Variants in SEMA3A observed in about 807,000 individuals in gnomAD.
The protein encoded by SEMA3A is semaphorin 3A.
A neutral mutation model predicts 97.9 loss-of-function variants in SEMA3A; 29 were observed. The observed-to-expected ratio is 0.30, with a 90% confidence interval of 0.22 to 0.40. The LOEUF is 0.40. Among genes scored for constraint, SEMA3A ranks in the 10% least tolerant of loss-of-function variants. The probability of loss-of-function intolerance (pLI) is 1.00; values close to 1 mark genes in which losing one functional copy is unlikely to be tolerated. For missense variants in SEMA3A, 763 were observed against 951.3 expected (o/e 0.80, Z 2.60); for synonymous variants, 321 against 323.7 (o/e 0.99, Z 0.09).
chr7:83,990,121 G>C (rs1429264624), intron 12 of SEMA3A, among the ~76,000 whole-genome samples: 2 of 151,770 alleles, frequency 1.3e-5, no homozygotes, highest in Non-Finnish European at 2.9e-5. Flanking sequence ...ATCTTCTTTT[G>C]AGAAGTGTCT....
intron 1 of SEMA3A, among the ~76,000 whole-genome samples, chr7:84,193,172 A>G (rs1387395711): frequency 6.6e-6 from 1 of 151,976 alleles, no homozygotes; most frequent in African/African-American, 2.4e-5. Context: ...TTCTAATTCA[A>G]TGCATTTCAT....
At chr7:83,980,639 TAC>T (rs68037473) in intron 14 of SEMA3A, among the ~76,000 whole-genome samples, 10,269 of 87,534 alleles carry the variant, frequency 0.12, 914 homozygotes, top group Non-Finnish European at 0.17. Context: ...TATATATATA[TAC>T]ACACACACAC....
chr7:84,225,407 TTATC>T (rs1383938474), intron 3 of SEMA3A, among the ~76,000 whole-genome samples: 3 of 152,012 alleles, frequency 2.0e-5, no homozygotes, highest in African/African-American at 7.2e-5. Context: ...CCAAACCAGT[TTATC>T]TATTTAGAGA....
intron 3 of SEMA3A, among the ~76,000 whole-genome samples, chr7:84,202,846 T>C (rs1288207709): frequency 6.6e-6 from 1 of 152,158 alleles, no homozygotes; most frequent in Non-Finnish European, 1.5e-5. Context: ...ATCTCTTTTT[T>C]CCCTGCCCCA....
chr7:84,393,365 C>A (rs1171542936), intron 1 of SEMA3A, among the ~76,000 whole-genome samples: 4 of 151,976 alleles, frequency 2.6e-5, no homozygotes, highest in Admixed American at 1.3e-4. Flanking sequence ...TGTGTGGAAT[C>A]CCAAAAATCT....
rs186731737 is a variant in SEMA3A, at chr7:84,358,334, C to T, written c.-169+13490G>A. Among the ~76,000 whole-genome samples, 383 of 152,266 alleles carry T rather than the reference C, an allele frequency of 2.5e-3. 1 individual carries two copies. Among genetic ancestry groups the T allele is most frequent in the African/African-American group, 8.6e-3 (357 of 41,532 alleles). The stretch of plus-strand genomic sequence containing the variant: ...TTGTATAAGGTGTAAGGAAGGGATC[C>T]AGTGTCAGCTTTCTACATATGGCTA... On this transcript the variant is annotated intron_variant, in intron 2 of 3. Coordinates refer to the SEMA3A transcript ENST00000424555.
chr7:84,334,048 C>G (rs908224945), intron 2 of SEMA3A, among the ~76,000 whole-genome samples: 1 of 152,046 alleles, frequency 6.6e-6, no homozygotes, highest in Non-Finnish European at 1.5e-5. Flanking sequence ...TGACTAAATA[C>G]TAAAAACAAT....
chr7:84,326,412 G>A (rs976405669), intron 2 of SEMA3A, among the ~76,000 whole-genome samples: 1 of 151,812 alleles, frequency 6.6e-6, no homozygotes, highest in Non-Finnish European at 1.5e-5. Flanking sequence ...GACTGATTTG[G>A]GTTTTTGGAT....
chr7:84,235,546 T>A (rs1451205282), intron 3 of SEMA3A, among the ~76,000 whole-genome samples: 1 of 152,084 alleles, frequency 6.6e-6, no homozygotes, highest in African/African-American at 2.4e-5. Flanking sequence ...ATAAATATTA[T>A]TGGAATAAGA....
At chr7:84,148,211 T>C (rs1383337698) in intron 1 of SEMA3A, among the ~76,000 whole-genome samples, 3 of 151,984 alleles carry the variant, frequency 2.0e-5, no homozygotes, top group Non-Finnish European at 4.4e-5. Context: ...CACCATGCCC[T>C]GGCTCCTTTT....
intron 1 of SEMA3A, among the ~76,000 whole-genome samples, chr7:84,169,475 G>T (rs1797316280): frequency 6.7e-6 from 1 of 149,714 alleles, no homozygotes; most frequent in Non-Finnish European, 1.5e-5. Flanking sequence ...TATATAAGTA[G>T]TAGTGAAGGA....
intron 1 of SEMA3A, among the ~76,000 whole-genome samples, chr7:84,423,405 G>T (rs1056008125): frequency 1.3e-5 from 2 of 151,952 alleles, no homozygotes; most frequent in Admixed American, 1.3e-4. Flanking sequence ...CCTTTGATTT[G>T]CTATTCTTTC....
Position 84,142,455 on chromosome 7 carries a change from T to C in SEMA3A, c.113-7504A>G, listed in dbSNP as rs149602855. ...TGACTCAGATAGGCTATCAGGAATA[T>C]CCTAGGTCACAGAGCTAGTATGATG... On this transcript the variant is annotated intron_variant, in intron 1 of 16. Coordinates refer to ENST00000265362, the MANE Select transcript of SEMA3A (RefSeq NM_006080.3). Among the ~76,000 whole-genome samples, 28 of 152,310 alleles carry C rather than the reference T, an allele frequency of 1.8e-4. 1 individual carries two copies. The highest frequency in any genetic ancestry group is 6.3e-4 in the African/African-American group (26 of 41,572).
At chr7:84,460,680 A>T (rs188564113) in intron 1 of SEMA3A, among the ~76,000 whole-genome samples, 1 of 152,286 alleles carries the variant, frequency 6.6e-6, no homozygotes, top group East Asian at 1.9e-4. Context: ...TTCCTATTTG[A>T]TCAGTGTTTT....
At chr7:84,024,283 T>C (rs1022623019) in intron 6 of SEMA3A, among the ~76,000 whole-genome samples, 5 of 152,242 alleles carry the variant, frequency 3.3e-5, no homozygotes, top group Non-Finnish European at 7.4e-5. Context: ...CTCACGCCTG[T>C]AATCCCGGCA....
chr7:84,118,880 T>C (rs1795513844), intron 3 of SEMA3A, among the ~76,000 whole-genome samples: 2 of 147,762 alleles, frequency 1.4e-5, no homozygotes, highest in Admixed American at 7.0e-5. Flanking sequence ...CTAATTCCCA[T>C]AATAAAACTT....
chr7:84,353,893 T>C (rs556712672), intron 2 of SEMA3A, among the ~76,000 whole-genome samples: 2 of 151,684 alleles, frequency 1.3e-5, no homozygotes, highest in Non-Finnish European at 3.0e-5. Context: ...TTAAACTGTA[T>C]GTTACATTAC....
chr7:84,041,154 T>C (rs1474905619), intron 6 of SEMA3A, among the ~76,000 whole-genome samples: 1 of 152,096 alleles, frequency 6.6e-6, no homozygotes. Flanking sequence ...AGTTAATTTT[T>C]ATTCCAAAGC....
intron 15 of SEMA3A, among the ~76,000 whole-genome samples, chr7:83,964,173 G>A (rs887878451): frequency 6.6e-5 from 10 of 152,092 alleles, no homozygotes; most frequent in Non-Finnish European, 1.2e-4. Flanking sequence ...ACACAGCTCA[G>A]ATCAAAAGTA....
Sources: allele counts gnomAD v4.1 joint callset (sites outside exome capture counted in the v4.1 genomes callset), GRCh38; gene constraint gnomAD v4.1.1; transcripts MANE v1.5; gene names NCBI Gene and HGNC (gene_info 2026-07-23, HGNC 2026-07-21).